Variants in USP20 observed in about 807,000 individuals in gnomAD.
USP20 encodes ubiquitin specific peptidase 20, also known as ubiquitin carboxyl-terminal hydrolase 20.
Under a neutral mutation model 124.2 loss-of-function variants are expected in USP20, and 80 were observed. The ratio of observed to expected loss-of-function variants is 0.64; its 90% confidence interval spans 0.54 to 0.78. The LOEUF (loss-of-function observed/expected upper bound fraction) is 0.78. Among genes scored for constraint, USP20 ranks in the 30% least tolerant of loss-of-function variants. The pLI is 0.00. For missense variants in USP20, 1,043 were observed against 1,244.4 expected (o/e 0.84, Z 2.44); for synonymous variants, 481 against 512.3 (o/e 0.94, Z 0.83).
At chr9:129,842,580 G>A (rs1173208389) in intron 1 of USP20, among the ~76,000 whole-genome samples, 1 of 151,722 alleles carries the variant, frequency 6.6e-6, no homozygotes, top group Non-Finnish European at 1.5e-5. Flanking sequence ...GATATTTTAG[G>A]TCCTGTGTGT....
intron 9 of USP20, 107 bp downstream of exon 9, chr9:129,863,406 C>T: frequency 1.2e-6 from 1 of 854,664 alleles, no homozygotes; most frequent in Non-Finnish European, 1.8e-6. Flanking sequence ...CGAGGACTTG[C>T]CTCACTTTGT....
In USP20 at chr9:129,869,407, G is replaced by A. The variant is rs770438660; in HGVS notation, c.1374G>A (p.Gln458=). ...IFDGSILSLV[Q]CLTCDRVSTT... ...ACGGCTCCATTCTCAGCCTTGTGCA[G>A]TGTCTCACCTGTGACCGGGTGGGTG... Residue 458 remains glutamine (Q), a synonymous_variant, in exon 13 of 26, where the codon CAG becomes CAA. Coordinates refer to ENST00000372429, the MANE Select transcript of USP20 (RefSeq NM_001110303.4). 3.7e-6 allele frequency: 6 copies of A among 1,613,704 alleles called. No individual in the cohort carries two copies. Among genetic ancestry groups the A allele is most frequent in the Admixed American group, 1.7e-5 (1 of 60,032 alleles).
chr9:129,863,248 C>A lies in USP20; in HGVS notation c.560C>A (p.Ala187Asp), dbSNP rs2033644350. 1.3e-6 allele frequency: 2 copies of A among 1,551,954 alleles called. No homozygotes were observed. The highest frequency in any genetic ancestry group is 1.9e-5 in the Admixed American group (1 of 51,520). Residue 187 changes from alanine to aspartate, a missense_variant, in exon 9 of 26, where the codon GCC becomes GAC. Ala to Asp is a moderately radical substitution (Grantham distance 126). Transcript: ENST00000372429. ...GGLVRTDKKP[A>D]LCKSYQKLVS... The stretch of plus-strand genomic sequence containing the variant: ...CTGGTGCGCACAGATAAGAAGCCAG[C>A]CCTGTGCAAGAGCTACCAGAAGCTG...
rs1254899804 is a variant in USP20 at position 129,880,186 on chromosome 9, T to G, written c.2658T>G (p.Ile886Met). ...LNSLYGGGPE[I>M]AIRQSVAQPL... is the part of the protein sequence containing the mutation. ...GCCTGTATGGAGGTGGCCCCGAGAT[T>G]GCCATCCGCCAGAGTGTGGCGCAGC... Residue 886 changes from isoleucine to methionine, a missense_variant, in exon 25 of 26, where the codon ATT becomes ATG. By Grantham distance (10) the Ile-to-Met change is conservative. Coordinates refer to ENST00000372429, the MANE Select transcript of USP20 (RefSeq NM_001110303.4). 1.9e-6 allele frequency: 3 copies of G among 1,613,790 alleles called. No homozygotes were observed. Among genetic ancestry groups the G allele is most frequent in the Non-Finnish European group, 8.5e-7 (1 of 1,179,988 alleles).
At chr9:129,845,336 A>T (rs2032476792) in intron 1 of USP20, among the ~76,000 whole-genome samples, 1 of 152,076 alleles carries the variant, frequency 6.6e-6, no homozygotes. Context: ...AGGAAGCCAG[A>T]TGCACACTCT....
intron 15 of USP20, among the ~76,000 whole-genome samples, chr9:129,871,314 A>C (rs1379081525): frequency 1.6e-5 from 2 of 125,498 alleles, no homozygotes; most frequent in Non-Finnish European, 3.3e-5. Context: ...TAACGTCCTT[A>C]GGGTTCATCC....
chr9:129,858,414 G>A, intron 5 of USP20, 53 bp from the exon 6 acceptor site: 5 of 1,612,234 alleles, frequency 3.1e-6, no homozygotes, highest in Non-Finnish European at 4.2e-6. Context: ...TACAGGTTGG[G>A]GCACTTGTTA....
At position 129,876,134 on chromosome 9, in the gene USP20, G is replaced by C. The variant is rs1002106217; in HGVS notation, c.2305G>C (p.Gly769Arg). The change falls in exon 22 of 26, where the codon GGG becomes CGG. Residue 769 changes from glycine to arginine, a missense_variant. Coordinates refer to ENST00000372429, the MANE Select transcript of USP20 (RefSeq NM_001110303.4). ...NVWEHLYNRF[G>R]GGPAVNHLYV... ...TCTCTCCCACCCTGGGCACAGATTCGGGGGTGGCCCCGCCGTGAACCACCT... is the reference window on the plus strand; with the variant it reads ...TCTCTCCCACCCTGGGCACAGATTCCGGGGTGGCCCCGCCGTGAACCACCT... 6.2e-7 allele frequency: 1 copy of C among 1,612,550 alleles called. No homozygotes were observed. Among genetic ancestry groups the C allele is most frequent in the South Asian group, 1.1e-5 (1 of 90,938 alleles).
intron 23 of USP20, 49 bp downstream of exon 23, chr9:129,878,489 G>A: frequency 1.3e-6 from 2 of 1,485,674 alleles, no homozygotes; most frequent in South Asian, 1.3e-5. Flanking sequence ...GGCCTCCTGG[G>A]AGATGGGATG....
chr9:129,838,232 G>A (rs1183746277), intron 1 of USP20, among the ~76,000 whole-genome samples: 1 of 151,958 alleles, frequency 6.6e-6, no homozygotes, highest in Admixed American at 6.6e-5. Flanking sequence ...AGTAGAGACG[G>A]GGTTTCACCA....
intron 1 of USP20, among the ~76,000 whole-genome samples, chr9:129,841,295 TGA>T (rs1269768554): frequency 6.6e-6 from 1 of 152,212 alleles, no homozygotes; most frequent in Non-Finnish European, 1.5e-5. Flanking sequence ...TTCCTCTGTG[TGA>T]GTCCGGATTT....
At chr9:129,849,776 A>G in intron 1 of USP20, 37 bp from the exon 2 acceptor site, 1 of 152,468 alleles carries the variant, frequency 6.6e-6, no homozygotes. Flanking sequence ...AAGTAATAAT[A>G]ACAGAACTGT....
At chr9:129,864,104 CA>C (rs34045747) in intron 9 of USP20, among the ~76,000 whole-genome samples, 5 of 136,786 alleles carry the variant, frequency 3.7e-5, no homozygotes, top group Admixed American at 1.4e-4. Context: ...GACTCTGTCT[CA>C]AAAAAAAAAA....
At chr9:129,855,435 CA>C (rs1156549321) in intron 3 of USP20, among the ~76,000 whole-genome samples, 15 of 10,362 alleles carry the variant, frequency 1.4e-3, no homozygotes, top group Admixed American at 2.5e-3. Context: ...CATCTCAAAA[CA>C]AAAAAAAAAA....
chr9:129,844,455 A>G (rs187322257), intron 1 of USP20, among the ~76,000 whole-genome samples: 60 of 151,298 alleles, frequency 4.0e-4, no homozygotes, highest in African/African-American at 1.3e-3. Context: ...ACGAAACCCC[A>G]TATCTACAAA....
chr9:129,870,948 A>G (rs1588281758), intron 15 of USP20, among the ~76,000 whole-genome samples: 1 of 150,374 alleles, frequency 6.7e-6, no homozygotes, highest in Non-Finnish European at 1.5e-5. Context: ...TGGCATCTAA[A>G]CCTTTGGGAA....
chr9:129,875,748 C>A, intron 21 of USP20, 107 bp downstream of exon 21: 1 of 1,101,054 alleles, frequency 9.1e-7, no homozygotes, highest in Non-Finnish European at 1.3e-6. Context: ...ACACCACACT[C>A]TGGCCTCCAC....
intron 22 of USP20, 133 bp downstream of exon 22, chr9:129,876,371 GC>G (rs1398129434): frequency 1.4e-6 from 1 of 702,372 alleles, no homozygotes; most frequent in Non-Finnish European, 2.4e-6. Flanking sequence ...GGGCATGGTG[GC>G]TCACACCTGT....
chr9:129,853,160 C>T (rs975676917), intron 3 of USP20, among the ~76,000 whole-genome samples: 8 of 152,014 alleles, frequency 5.3e-5, no homozygotes, highest in Admixed American at 6.5e-5. Flanking sequence ...CCAGCCCACC[C>T]CCGGGTAAGC....
Sources: gnomAD v4.1 joint callset for allele counts (sites outside exome capture counted in the v4.1 genomes callset) on GRCh38, gnomAD v4.1.1 for gene constraint, MANE v1.5 for transcripts, NCBI Gene and HGNC (gene_info 2026-07-23, HGNC 2026-07-21) for gene names.